Variants in FBXO38 observed in about 807,000 individuals in gnomAD.
FBXO38 encodes the protein F-box only protein 38.
In FBXO38, 53 loss-of-function variants were observed where a neutral mutation model predicts 131.9. That is an observed-to-expected ratio of 0.40 (90% CI 0.32 to 0.51). The LOEUF is 0.51. Ranked by LOEUF, FBXO38 falls within the 20% of genes least tolerant of loss-of-function variation. FBXO38 has a pLI of 0.53. For missense variants in FBXO38, 1,076 were observed against 1,475.6 expected, an observed-to-expected ratio of 0.73 and a Z score of 4.44; for synonymous variants, 452 against 505.6, an observed-to-expected ratio of 0.89 and a Z score of 1.42.
chr5:148,425,470 T>G lies in FBXO38; in HGVS notation c.1739-52T>G. On this transcript the variant is annotated intron_variant, in intron 13 of 21. Coordinates refer to ENST00000340253, the MANE Select transcript of FBXO38 (RefSeq NM_205836.3). ...GATCCCTGGAAACAGTACTTTGCAT[T>G]AGATCCTTTCTTGCGCAAAAAGTAA... 4 of 1,417,394 alleles carry G rather than the reference T, an allele frequency of 2.8e-6. No individual in the cohort carries two copies. In the South Asian group the frequency reaches 4.8e-5, roughly 17 times the overall value. 87.8% of individuals were successfully genotyped at this position (1,417,394 alleles called of 1,614,324 possible).
intron 9 of FBXO38, chr5:148,411,005 A>G: frequency 2.4e-6 from 1 of 411,078 alleles, no homozygotes; most frequent in Non-Finnish European, 4.3e-6. Flanking sequence ...CAGAAAAAGA[A>G]CCTTATCTAC....
In FBXO38 at chr5:148,416,162, A is replaced by T. The variant is rs1244400545; in HGVS notation, c.1407+92A>T. ...TTTTTTTTTTTTTCTTTTCAATGAT[A>T]TGCCTTTACGGTGTTACAGTCGGAC... On this transcript the variant is annotated intron_variant, in intron 11 of 21. Coordinates refer to ENST00000340253, the MANE Select transcript of FBXO38 (RefSeq NM_205836.3). 1.0e-5 allele frequency: 13 copies of T among 1,289,944 alleles called. No homozygotes were observed. The Admixed American group carries it at 3.3e-4, about 32-fold the overall frequency. The allele number at this position is 1,289,944 out of a possible 1,614,324, so 79.9% of individuals were successfully genotyped here. A position where few individuals can be genotyped will look rare whatever the true frequency, so the allele number is the denominator to read the frequency against.
At chr5:148,423,152 ATATTCTGACCT>A (rs2113613507) in intron 12 of FBXO38, among the ~76,000 whole-genome samples, 1 of 152,300 alleles carries the variant, frequency 6.6e-6, no homozygotes, top group East Asian at 1.9e-4. Context: ...CTTAGCAAGT[ATATTCTGACCT>A]TATTCTATGT....
intron 15 of FBXO38, among the ~76,000 whole-genome samples, chr5:148,428,339 A>T (rs75272591): frequency 0.08 from 12,233 of 152,212 alleles, 977 homozygotes; most frequent in East Asian, 0.34. Flanking sequence ...GGCTGGGGGA[A>T]CACATCTCAG....
At chr5:148,417,527 C>G (rs1561531839) in intron 12 of FBXO38, among the ~76,000 whole-genome samples, 1 of 152,088 alleles carries the variant, frequency 6.6e-6, no homozygotes. Context: ...CTTTTATTGT[C>G]TCCTAGACCA....
intron 21 of FBXO38, among the ~76,000 whole-genome samples, 190 bp from the exon 22 acceptor site, chr5:148,441,779 T>A (rs1188450935): frequency 1.3e-5 from 2 of 152,260 alleles, no homozygotes; most frequent in Non-Finnish European, 2.9e-5. Context: ...ACCTTGAGAC[T>A]TTAAGCATGT....
intron 11 of FBXO38, 118 bp downstream of exon 11, chr5:148,416,188 T>A: frequency 1.1e-6 from 1 of 936,662 alleles, no homozygotes; most frequent in Non-Finnish European, 1.5e-6. Context: ...ACAGTCGGAC[T>A]TTTTACTGCC....
At chr5:148,420,536 A>G (rs747733653) in intron 12 of FBXO38, among the ~76,000 whole-genome samples, 2 of 152,190 alleles carry the variant, frequency 1.3e-5, no homozygotes, top group Non-Finnish European at 2.9e-5. Flanking sequence ...CTTTCTAAGG[A>G]ATTACAACTT....
intron 15 of FBXO38, 133 bp from the exon 16 acceptor site, chr5:148,433,291 C>T: frequency 3.2e-6 from 2 of 626,548 alleles, no homozygotes; most frequent in Non-Finnish European, 5.8e-6. Context: ...ACCAATGTAA[C>T]TGTATTCCAC....
chr5:148,407,272 T>C (rs1752493152), intron 7 of FBXO38, among the ~76,000 whole-genome samples: 1 of 152,182 alleles, frequency 6.6e-6, no homozygotes, highest in African/African-American at 2.4e-5. Context: ...GTGTATTCAC[T>C]AGAGAGAAGA....
At position 148,409,112 on chromosome 5, in the gene FBXO38, C is replaced by T; in HGVS notation, c.869-12C>T. 6.5e-7 allele frequency: 1 copy of T among 1,545,362 alleles called. No individual in the cohort carries two copies. Among genetic ancestry groups the T allele is most frequent in the Non-Finnish European group, 8.9e-7 (1 of 1,117,736 alleles). ...CTATGGTCAAACACTTGTTTTTGTT[C>T]CTCGTCTTTAGGTGGTTTTAGAAAT... On this transcript the variant is annotated splice_polypyrimidine_tract_variant and intron_variant, in intron 7 of 21. Coordinates refer to ENST00000340253, the MANE Select transcript of FBXO38 (RefSeq NM_205836.3).
intron 13 of FBXO38, among the ~76,000 whole-genome samples, chr5:148,425,134 T>C (rs1581275695): frequency 1.3e-5 from 2 of 152,220 alleles, no homozygotes; most frequent in East Asian, 3.8e-4. Context: ...CCTTGGCTCA[T>C]ATGTTTGAAA....
chr5:148,396,117 T>A (rs549311180), intron 2 of FBXO38, among the ~76,000 whole-genome samples: 1 of 152,302 alleles, frequency 6.6e-6, no homozygotes, highest in African/African-American at 2.4e-5. Flanking sequence ...TTCGTTATTC[T>A]GTGACACATT....
intron 2 of FBXO38, among the ~76,000 whole-genome samples, chr5:148,396,198 G>C (rs1007190254): frequency 2.0e-5 from 3 of 151,592 alleles, no homozygotes; most frequent in African/African-American, 7.3e-5. Flanking sequence ...TTTTTTTACA[G>C]AACAAAATGA....
intron 10 of FBXO38, 70 bp from the exon 11 acceptor site, chr5:148,415,858 G>C: frequency 6.6e-7 from 1 of 1,511,788 alleles, no homozygotes; most frequent in South Asian, 1.2e-5. Flanking sequence ...TTTGTGACCT[G>C]TATCAAAATT....
At chr5:148,388,964 G>C (rs1024530427) in intron 1 of FBXO38, among the ~76,000 whole-genome samples, 1 of 152,204 alleles carries the variant, frequency 6.6e-6, no homozygotes, top group Non-Finnish European at 1.5e-5. Context: ...GATTTAAAGT[G>C]AGAGATGCTC....
intron 20 of FBXO38, among the ~76,000 whole-genome samples, chr5:148,440,763 T>G (rs1754636139): frequency 6.6e-6 from 1 of 152,138 alleles, no homozygotes; most frequent in Non-Finnish European, 1.5e-5. Context: ...AGAATTACAC[T>G]TTTTAAAAAA....
intron 15 of FBXO38, among the ~76,000 whole-genome samples, chr5:148,433,074 A>C (rs1754127272): frequency 6.6e-6 from 1 of 152,250 alleles, no homozygotes; most frequent in African/African-American, 2.4e-5. Flanking sequence ...ACTAAGCTGC[A>C]GTCAATAATT....
intron 12 of FBXO38, among the ~76,000 whole-genome samples, chr5:148,422,704 T>C (rs1335848650): frequency 6.6e-6 from 1 of 152,184 alleles, no homozygotes; most frequent in Non-Finnish European, 1.5e-5. Flanking sequence ...TATTAAATGT[T>C]TGCACAGGCT....
Sources: gnomAD v4.1 joint callset for allele counts (sites outside exome capture counted in the v4.1 genomes callset) on GRCh38, gnomAD v4.1.1 for gene constraint, MANE v1.5 for transcripts, NCBI Gene and HGNC (gene_info 2026-07-23, HGNC 2026-07-21) for gene names.